The following SPAG16 variants were observed in gnomAD, a reference collection of about 807,000 sequenced individuals.
SPAG16 encodes sperm-associated antigen 16 protein.
SPAG16 carries 86 observed loss-of-function variants against 80.4 expected under a neutral mutation model. That is an observed-to-expected ratio of 1.07 (90% CI 0.90 to 1.28). The LOEUF is 1.28. Ranked by LOEUF, SPAG16 falls within the 50% of genes most tolerant of loss-of-function variation. The pLI, the probability that SPAG16 is intolerant of heterozygous loss-of-function variation, is 0.00. For synonymous variants in SPAG16, 294 were observed against 265.9 expected (o/e 1.11, Z -1.03); for missense variants, 870 against 765.3 (o/e 1.14, Z -1.61).
At chr2:214,042,433 A>AAAC (rs150244128) in intron 13 of SPAG16, among the ~76,000 whole-genome samples, 30,745 of 149,700 alleles carry the variant, frequency 0.21, 3,610 homozygotes, top group Middle Eastern at 0.28. Flanking sequence ...AACAAAAACA[A>AAAC]AACAACAACA....
At chr2:213,943,005 A>G (rs915987775) in intron 12 of SPAG16, among the ~76,000 whole-genome samples, 8 of 152,194 alleles carry the variant, frequency 5.3e-5, no homozygotes, top group Non-Finnish European at 1.0e-4. Flanking sequence ...GTTGTCCACC[A>G]TGTGAAAATA....
intron 15 of SPAG16, among the ~76,000 whole-genome samples, chr2:214,231,837 TA>T (rs1235502155): frequency 1.3e-5 from 2 of 152,100 alleles, no homozygotes; most frequent in Non-Finnish European, 2.9e-5. Flanking sequence ...AATTAATAGT[TA>T]AAAATTCAAT....
chr2:214,391,524 A>C (rs565938261), intron 15 of SPAG16, among the ~76,000 whole-genome samples: 2 of 152,208 alleles, frequency 1.3e-5, no homozygotes, highest in Non-Finnish European at 2.9e-5. Context: ...ATGGTCAATT[A>C]AATGCCAAAG....
intron 6 of SPAG16, among the ~76,000 whole-genome samples, chr2:213,340,545 G>C (rs774255482): frequency 2.0e-5 from 3 of 152,126 alleles, no homozygotes; most frequent in South Asian, 4.1e-4. Context: ...AGGGCTCAAG[G>C]ATTTATTTCC....
At chr2:214,198,009 A>G (rs2125712710) in intron 15 of SPAG16, among the ~76,000 whole-genome samples, 1 of 152,138 alleles carries the variant, frequency 6.6e-6, no homozygotes, top group South Asian at 2.1e-4. Flanking sequence ...TGACTCCACA[A>G]ATAAATCGTG....
At chr2:213,789,880 T>C (rs758584820) in intron 10 of SPAG16, among the ~76,000 whole-genome samples, 5 of 151,964 alleles carry the variant, frequency 3.3e-5, no homozygotes, top group Non-Finnish European at 7.4e-5. Context: ...CCCTAATTTC[T>C]CCAATTTTCG....
At chr2:213,827,775 C>T (rs1238503857) in intron 10 of SPAG16, among the ~76,000 whole-genome samples, 1 of 151,768 alleles carries the variant, frequency 6.6e-6, no homozygotes, top group Non-Finnish European at 1.5e-5. Flanking sequence ...TTTGGAAGGG[C>T]CTGGCTATAC....
intron 7 of SPAG16, among the ~76,000 whole-genome samples, chr2:213,352,059 C>T (rs1316005705): frequency 6.6e-6 from 1 of 151,856 alleles, no homozygotes; most frequent in African/African-American, 2.4e-5. Context: ...CTTGCACTCA[C>T]TCTCTTTCCT....
At chr2:213,774,994 C>T (rs1017944437) in intron 10 of SPAG16, among the ~76,000 whole-genome samples, 2 of 152,074 alleles carry the variant, frequency 1.3e-5, no homozygotes, top group Non-Finnish European at 2.9e-5. Context: ...GGATCTGTCT[C>T]GGCACTACTG....
At chr2:213,847,447 A>C (rs1371656931) in intron 10 of SPAG16, among the ~76,000 whole-genome samples, 1 of 152,088 alleles carries the variant, frequency 6.6e-6, no homozygotes, top group Non-Finnish European at 1.5e-5. Flanking sequence ...CATATGGCAA[A>C]AGCAAGAGCA....
At chr2:213,920,621 C>A (rs984552392) in intron 11 of SPAG16, among the ~76,000 whole-genome samples, 2 of 152,170 alleles carry the variant, frequency 1.3e-5, no homozygotes, top group African/African-American at 4.8e-5. Context: ...GCTCCCAGAG[C>A]ACCTGCTTGT....
At chr2:213,553,871 T>G (rs182198764) in intron 10 of SPAG16, among the ~76,000 whole-genome samples, 3 of 152,312 alleles carry the variant, frequency 2.0e-5, no homozygotes, top group Admixed American at 2.0e-4. Context: ...CATACACCTG[T>G]GCACTCCTGC....
intron 11 of SPAG16, among the ~76,000 whole-genome samples, chr2:213,914,731 C>T (rs545124364): frequency 2.7e-4 from 41 of 152,220 alleles, no homozygotes; most frequent in African/African-American, 9.9e-4. Context: ...GTATACTGAT[C>T]GATGAGTGAT....
intron 15 of SPAG16, among the ~76,000 whole-genome samples, chr2:214,311,030 G>A (rs1695262636): frequency 6.6e-6 from 1 of 152,152 alleles, no homozygotes; most frequent in Non-Finnish European, 1.5e-5. Flanking sequence ...CCTCCAACAG[G>A]AAAGGCCTTG....
intron 15 of SPAG16, among the ~76,000 whole-genome samples, chr2:214,237,812 T>A (rs1011535021): frequency 6.6e-6 from 1 of 152,010 alleles, no homozygotes; most frequent in Non-Finnish European, 1.5e-5. Flanking sequence ...AAAAGTATGA[T>A]TTTTAAAGAA....
intron 1 of SPAG16, among the ~76,000 whole-genome samples, chr2:213,287,353 T>G (rs556981875): frequency 1.2e-4 from 19 of 152,222 alleles, no homozygotes; most frequent in Non-Finnish European, 2.6e-4. Flanking sequence ...GGGCTGCCTA[T>G]TAATGTATGG....
intron 10 of SPAG16, among the ~76,000 whole-genome samples, chr2:213,492,355 C>G (rs191631422): frequency 6.6e-6 from 1 of 152,060 alleles, no homozygotes; most frequent in Admixed American, 6.5e-5. Flanking sequence ...TTGAGACCAT[C>G]CTGGCTAACA....
At chr2:214,207,984 C>T (rs1159273629) in intron 15 of SPAG16, among the ~76,000 whole-genome samples, 1 of 152,176 alleles carries the variant, frequency 6.6e-6, no homozygotes, top group Non-Finnish European at 1.5e-5. Flanking sequence ...TGTCAGCTTC[C>T]CTACTTTTGA....
chr2:213,591,578 A>G (rs1193713501), intron 10 of SPAG16, among the ~76,000 whole-genome samples: 1 of 152,220 alleles, frequency 6.6e-6, no homozygotes, highest in Non-Finnish European at 1.5e-5. Flanking sequence ...TTAAAGAATG[A>G]TAAGGCAGGC....
Sources: allele counts gnomAD v4.1 joint callset (sites outside exome capture counted in the v4.1 genomes callset), GRCh38; gene constraint gnomAD v4.1.1; transcripts MANE v1.5; gene names NCBI Gene and HGNC (gene_info 2026-07-23, HGNC 2026-07-21).